The following CDH18 variants were observed in gnomAD, a reference collection of about 807,000 sequenced individuals.
CDH18 encodes the protein cadherin 18, also known as cadherin-18.
In CDH18, 31 loss-of-function variants were observed where a neutral mutation model predicts 67.9. The observed-to-expected ratio is 0.46, with a 90% CI of 0.34 to 0.62. CDH18 has a LOEUF of 0.62. CDH18 is among the 20% of genes least tolerant of loss of function. CDH18 has a pLI of 0.01. For synonymous variants in CDH18, 362 were observed against 347.2 expected (o/e 1.04, Z -0.48); for missense variants, 890 against 975.5 (o/e 0.91, Z 1.17).
chr5:20,046,151 T>C (rs1003531732), intron 2 of CDH18, among the ~76,000 whole-genome samples: 3 of 151,976 alleles, frequency 2.0e-5, no homozygotes, highest in African/African-American at 7.2e-5. Context: ...ATGATAGCTG[T>C]GGCAATAGTA....
At chr5:20,185,427 T>C (rs968293292) in intron 2 of CDH18, among the ~76,000 whole-genome samples, 17 of 152,056 alleles carry the variant, frequency 1.1e-4, no homozygotes, top group African/African-American at 3.6e-4. Flanking sequence ...TGCACTCCGT[T>C]GCCTGCCCAT....
intron 1 of CDH18, among the ~76,000 whole-genome samples, chr5:20,308,540 CAA>C (rs35827739): frequency 0.061 from 7,763 of 126,686 alleles, 637 homozygotes; most frequent in African/African-American, 0.21. Context: ...GAGACTCAGT[CAA>C]AAAAAAAAAA....
intron 2 of CDH18, among the ~76,000 whole-genome samples, chr5:19,994,773 A>C (rs1291247109): frequency 9.4e-6 from 1 of 106,382 alleles, no homozygotes; most frequent in Non-Finnish European, 1.9e-5. Context: ...AGAGAGAGAG[A>C]GAGAGAGAGA....
chr5:20,329,995 TA>T (rs1322631026), intron 1 of CDH18, among the ~76,000 whole-genome samples: 2 of 151,912 alleles, frequency 1.3e-5, no homozygotes, highest in African/African-American at 4.8e-5. Flanking sequence ...TTAGGAAAAA[TA>T]AAATTCAGAT....
At chr5:20,383,936 G>A (rs1176320564) in intron 1 of CDH18, among the ~76,000 whole-genome samples, 1 of 151,768 alleles carries the variant, frequency 6.6e-6, no homozygotes, top group African/African-American at 2.4e-5. Context: ...AGACAAGAAT[G>A]ACTTATGAGA....
intron 2 of CDH18, among the ~76,000 whole-genome samples, chr5:19,917,944 C>T (rs1792009014): frequency 6.6e-6 from 1 of 152,092 alleles, no homozygotes; most frequent in African/African-American, 2.4e-5. Context: ...CAATAAATCC[C>T]TGGGTAGCTG....
chr5:20,173,046 C>T (rs181313813), intron 2 of CDH18, among the ~76,000 whole-genome samples: 1 of 151,344 alleles, frequency 6.6e-6, no homozygotes, highest in Non-Finnish European at 1.5e-5. Context: ...AATAAAAGTA[C>T]TAAACACAAA....
intron 1 of CDH18, among the ~76,000 whole-genome samples, chr5:20,314,661 G>T (rs1280523887): frequency 6.6e-6 from 1 of 152,014 alleles, no homozygotes; most frequent in Non-Finnish European, 1.5e-5. Flanking sequence ...AAGCTTATTT[G>T]ATAGATGGGA....
intron 1 of CDH18, among the ~76,000 whole-genome samples, chr5:20,355,781 G>A (rs1259337285): frequency 6.6e-6 from 1 of 152,144 alleles, no homozygotes; most frequent in Non-Finnish European, 1.5e-5. Flanking sequence ...TATGCTGCAA[G>A]CCTAATATTT....
intron 11 of CDH18, among the ~76,000 whole-genome samples, chr5:19,500,367 T>C (rs1213709473): frequency 1.3e-5 from 2 of 152,160 alleles, no homozygotes; most frequent in African/African-American, 2.4e-5. Context: ...TATTTATATA[T>C]GGTATTATTA....
chr5:20,069,657 C>A (rs111304228), intron 2 of CDH18, among the ~76,000 whole-genome samples: 4 of 152,132 alleles, frequency 2.6e-5, no homozygotes, highest in African/African-American at 9.6e-5. Context: ...ATGATCTGCC[C>A]ACCTCAGCCT....
At chr5:19,688,509 A>C (rs1761427713) in intron 5 of CDH18, among the ~76,000 whole-genome samples, 1 of 152,204 alleles carries the variant, frequency 6.6e-6, no homozygotes, top group Non-Finnish European at 1.5e-5. Context: ...TGCCCTGCTC[A>C]GCCAACAGCA....
At chr5:20,419,462 GTTTTTTTTTTTTTTTTTT>G (rs202130030) in intron 1 of CDH18, among the ~76,000 whole-genome samples, 29,298 of 77,178 alleles carry the variant, frequency 0.38, 4,157 homozygotes, top group East Asian at 0.58. Flanking sequence ...ATGGGACTCT[GTTTTTTTTTTTTTTTTTT>G]TTTTTTTTTT....
chr5:19,731,959 ACACACCT>A (rs555634456), intron 4 of CDH18, among the ~76,000 whole-genome samples: 125 of 151,160 alleles, frequency 8.3e-4, no homozygotes, highest in Non-Finnish European at 1.6e-3. Context: ...ACCTGGTAGT[ACACACCT>A]GTAGTTCTAG....
chr5:19,776,774 T>C (rs1253954458), intron 3 of CDH18, among the ~76,000 whole-genome samples: 1 of 152,212 alleles, frequency 6.6e-6, no homozygotes, highest in Non-Finnish European at 1.5e-5. Context: ...GAGTGTGGTA[T>C]CTTTGTAACA....
At chr5:20,485,063 T>C (rs1028791269) in intron 1 of CDH18, among the ~76,000 whole-genome samples, 2 of 152,142 alleles carry the variant, frequency 1.3e-5, no homozygotes, top group African/African-American at 4.8e-5. Flanking sequence ...TGCTAATGTA[T>C]GATTCAGACA....
chr5:20,489,073 T>C (rs1007470773), intron 1 of CDH18, among the ~76,000 whole-genome samples: 3 of 152,050 alleles, frequency 2.0e-5, no homozygotes, highest in African/African-American at 7.2e-5. Context: ...CCCTCAAAAA[T>C]CTATTTTCAT....
chr5:20,560,690 T>G (rs995926296), intron 1 of CDH18, among the ~76,000 whole-genome samples: 8 of 152,096 alleles, frequency 5.3e-5, no homozygotes, highest in African/African-American at 1.9e-4. Context: ...TAAGTCTTTC[T>G]TCTACTAGAC....
intron 1 of CDH18, among the ~76,000 whole-genome samples, chr5:20,342,191 T>C (rs1212733430): frequency 6.6e-6 from 1 of 152,104 alleles, no homozygotes; most frequent in Admixed American, 6.5e-5. Flanking sequence ...AGTGAGGGTA[T>C]TGATTGGAAA....
Sources: allele counts gnomAD v4.1 joint callset (sites outside exome capture counted in the v4.1 genomes callset), GRCh38; gene constraint gnomAD v4.1.1; transcripts MANE v1.5; gene names NCBI Gene and HGNC (gene_info 2026-07-23, HGNC 2026-07-21).